The following RORA variants were observed in gnomAD, a reference collection of about 807,000 sequenced individuals.
RORA encodes nuclear receptor ROR-alpha.
Under a neutral mutation model 69.5 loss-of-function variants are expected in RORA, and 7 were observed. The ratio of observed to expected loss-of-function variants is 0.10; its 90% CI spans 0.06 to 0.19. The LOEUF is 0.19. Among genes scored for constraint, RORA ranks in the 10% least tolerant of loss-of-function variants. The probability of loss-of-function intolerance (pLI) is 1.00; values close to 1 mark genes in which losing one functional copy is unlikely to be tolerated. For missense variants in RORA, 457 were observed against 663.0 expected (o/e 0.69, Z 3.41); for synonymous variants, 261 against 240.8 (o/e 1.08, Z -0.78).
chr15:61,196,571 G>A (rs951809671), intron 1 of RORA, among the ~76,000 whole-genome samples: 4 of 152,230 alleles, frequency 2.6e-5, no homozygotes, highest in East Asian at 1.9e-4. Context: ...TAACGCACAC[G>A]CTTTCCCTGC....
chr15:60,516,148 T>TAAATATATATATAA (rs1491104032), intron 3 of RORA, among the ~76,000 whole-genome samples: 2 of 57,362 alleles, frequency 3.5e-5, no homozygotes, highest in African/African-American at 1.7e-4. Context: ...TATATATATT[T>TAAATATATATATAA]ATATATATAT....
chr15:60,586,109 A>C (rs773138910), intron 2 of RORA, among the ~76,000 whole-genome samples: 3 of 152,254 alleles, frequency 2.0e-5, no homozygotes, highest in Non-Finnish European at 4.4e-5. Context: ...TGGAACTAAA[A>C]GTATTCCTAA....
At chr15:61,075,712 G>A (rs1256092643) in intron 1 of RORA, among the ~76,000 whole-genome samples, 1 of 152,202 alleles carries the variant, frequency 6.6e-6, no homozygotes, top group Non-Finnish European at 1.5e-5. Flanking sequence ...AGCTACTAGA[G>A]CAGAGCTGTG....
At chr15:61,146,306 C>G (rs1385965538) in intron 1 of RORA, among the ~76,000 whole-genome samples, 1 of 151,850 alleles carries the variant, frequency 6.6e-6, no homozygotes, top group Non-Finnish European at 1.5e-5. Context: ...CTGTTGTCAT[C>G]TACATGAAAA....
At chr15:60,820,442 C>A (rs543698787) in intron 1 of RORA, among the ~76,000 whole-genome samples, 20 of 152,062 alleles carry the variant, frequency 1.3e-4, no homozygotes, top group Admixed American at 6.5e-4. Flanking sequence ...AACGGACAGA[C>A]CCTTGATTAA....
chr15:61,017,699 C>T (rs189038819), intron 1 of RORA, among the ~76,000 whole-genome samples: 8 of 152,102 alleles, frequency 5.3e-5, no homozygotes, highest in Admixed American at 2.6e-4. Context: ...AAATCAGCCA[C>T]GAGCCCCCCA....
rs149295195 is a variant in RORA, at chr15:60,549,924, C to T, written c.197-18073G>A. On this transcript the variant is annotated intron_variant, in intron 2 of 10. Transcript: ENST00000335670. ...GGACAACATAGCTCATTTTATGAAA[C>T]GAAAGTGATATTAAAAAACTAAGTG... Among the ~76,000 whole-genome samples, 335 of 152,198 alleles carry T rather than the reference C, an allele frequency of 2.2e-3. 1 individual carries two copies. Among genetic ancestry groups the T allele is most frequent in the East Asian group, 6.7e-3 (35 of 5,192 alleles).
intron 1 of RORA, among the ~76,000 whole-genome samples, chr15:61,132,111 A>C (rs549844322): frequency 6.6e-6 from 1 of 152,228 alleles, no homozygotes; most frequent in African/African-American, 2.4e-5. Context: ...TCACTAATCT[A>C]TCTATTCCTG....
chr15:60,688,554 T>C (rs1054043273), intron 1 of RORA, among the ~76,000 whole-genome samples: 2 of 152,228 alleles, frequency 1.3e-5, no homozygotes, highest in East Asian at 3.8e-4. Context: ...CAGTTTCCTA[T>C]GGCAAGTACT....
At chr15:60,556,927 C>T (rs1444922926) in intron 2 of RORA, 1 of 1,612,932 alleles carries the variant, frequency 6.2e-7, no homozygotes, top group Non-Finnish European at 8.5e-7. Flanking sequence ...CCTCCAGGAA[C>T]ACTTGTTTGT....
At chr15:60,551,911 C>T (rs1168596288) in intron 2 of RORA, among the ~76,000 whole-genome samples, 1 of 152,202 alleles carries the variant, frequency 6.6e-6, no homozygotes, top group Non-Finnish European at 1.5e-5. Context: ...CCTCATTTCA[C>T]AGAGAAAAAC....
chr15:61,228,741 T>C (rs1393858275), intron 1 of RORA, among the ~76,000 whole-genome samples: 2 of 152,012 alleles, frequency 1.3e-5, no homozygotes, highest in South Asian at 4.2e-4. Flanking sequence ...GCGTATTTAA[T>C]TGAGGCAACG....
intron 1 of RORA, among the ~76,000 whole-genome samples, chr15:60,851,533 G>A (rs998718272): frequency 9.9e-5 from 15 of 152,122 alleles, no homozygotes; most frequent in Non-Finnish European, 1.6e-4. Context: ...CTCAAAGTAG[G>A]AGAAAACCTG....
intron 1 of RORA, among the ~76,000 whole-genome samples, chr15:60,943,838 C>T (rs572544458): frequency 2.2e-5 from 3 of 136,464 alleles, no homozygotes; most frequent in East Asian, 4.5e-4. Flanking sequence ...ATTGCTTGAA[C>T]CTGGGAGGCA....
intron 1 of RORA, among the ~76,000 whole-genome samples, chr15:61,040,402 G>A (rs573620922): frequency 6.6e-6 from 1 of 151,756 alleles, no homozygotes; most frequent in African/African-American, 2.4e-5. Flanking sequence ...TAGTCTGCTT[G>A]CCTGACCTCA....
chr15:60,862,332 A>C (rs1222529334), intron 1 of RORA, among the ~76,000 whole-genome samples: 1 of 152,252 alleles, frequency 6.6e-6, no homozygotes, highest in East Asian at 1.9e-4. Context: ...TTATGTGCTA[A>C]AATTCTTAGC....
At chr15:60,773,660 A>G (rs2072113013) in intron 1 of RORA, among the ~76,000 whole-genome samples, 1 of 152,220 alleles carries the variant, frequency 6.6e-6, no homozygotes, top group African/African-American at 2.4e-5. Context: ...CCTAGAAAAG[A>G]GAAATAACTT....
chr15:60,602,611 A>G (rs1168979850), intron 2 of RORA, among the ~76,000 whole-genome samples: 1 of 152,220 alleles, frequency 6.6e-6, no homozygotes, highest in African/African-American at 2.4e-5. Context: ...GCAGTATAAC[A>G]TAAATTACTA....
chr15:60,990,619 G>C (rs759468077), intron 1 of RORA, among the ~76,000 whole-genome samples: 24 of 152,152 alleles, frequency 1.6e-4, no homozygotes, highest in Middle Eastern at 3.4e-3. Flanking sequence ...CTCGGAATGA[G>C]GCAACGGAAA....
Sources: gnomAD v4.1 joint callset for allele counts (sites outside exome capture counted in the v4.1 genomes callset) on GRCh38, gnomAD v4.1.1 for gene constraint, MANE v1.5 for transcripts, NCBI Gene and HGNC (gene_info 2026-07-23, HGNC 2026-07-21) for gene names.